The following EPHA6 variants were observed in gnomAD, a reference collection of about 807,000 sequenced individuals.
EPHA6 encodes the protein ephrin type-A receptor 6.
EPHA6 carries 50 observed loss-of-function variants against 112.0 expected under a neutral mutation model. That is an observed-to-expected ratio of 0.45 (90% CI 0.36 to 0.56). The LOEUF is 0.56. Among genes scored for constraint, EPHA6 ranks in the 20% least tolerant of loss-of-function variants. The probability of loss-of-function intolerance (pLI) is 0.00; values close to 1 mark genes in which losing one functional copy is unlikely to be tolerated. For synonymous variants in EPHA6, 529 were observed against 490.7 expected (o/e 1.08, Z -1.03); for missense variants, 1,280 against 1,417.4 (o/e 0.90, Z 1.56).
At chr3:97,164,660 A>C (rs549808492) in intron 3 of EPHA6, among the ~76,000 whole-genome samples, 1 of 152,194 alleles carries the variant, frequency 6.6e-6, no homozygotes, top group South Asian at 2.1e-4. Flanking sequence ...ATTTGAAGCT[A>C]TATTATATTC....
chr3:97,070,349 T>C (rs963692104), intron 3 of EPHA6, among the ~76,000 whole-genome samples: 1 of 152,130 alleles, frequency 6.6e-6, no homozygotes, highest in Non-Finnish European at 1.5e-5. Context: ...CTGTATTTTA[T>C]AGTTGGAAAT....
At chr3:97,508,432 C>G (rs1422855808) in intron 10 of EPHA6, among the ~76,000 whole-genome samples, 2 of 152,074 alleles carry the variant, frequency 1.3e-5, no homozygotes, top group African/African-American at 4.8e-5. Flanking sequence ...CAGTAGTCAT[C>G]CAGGAGCAGG....
chr3:97,189,861 T>C (rs915620887), intron 3 of EPHA6, among the ~76,000 whole-genome samples: 4 of 152,096 alleles, frequency 2.6e-5, no homozygotes, highest in Non-Finnish European at 5.9e-5. Context: ...TATAGATATA[T>C]TTAAATGCAT....
chr3:97,097,666 G>A (rs950762692), intron 3 of EPHA6, among the ~76,000 whole-genome samples: 2 of 151,772 alleles, frequency 1.3e-5, no homozygotes, highest in Admixed American at 1.3e-4. Context: ...GTATGGAAAT[G>A]CATGCCATAT....
At chr3:96,907,507 A>AT (rs11404136) in intron 2 of EPHA6, among the ~76,000 whole-genome samples, 151,277 of 151,718 alleles carry the variant, frequency 1, 75,419 homozygotes, top group Middle Eastern at 1. Context: ...TCCTGTTATT[A>AT]TTTATAATTG....
chr3:97,617,195 G>A (rs2093774080), intron 13 of EPHA6, among the ~76,000 whole-genome samples: 1 of 151,968 alleles, frequency 6.6e-6, no homozygotes, highest in Non-Finnish European at 1.5e-5. Context: ...ATAAGAAAAG[G>A]GAAATAAGGT....
At position 97,433,635 on chromosome 3, in the gene EPHA6, GA is replaced by G. The variant is rs564863772; in HGVS notation, c.1732-14929del. On this transcript the variant is annotated intron_variant, in intron 6 of 17. Transcript: ENST00000389672. ...ATGTACCTTGCAGGGAAAGAAGGAGGAAAACCCTTTTCCATGTTGTTAGAAA... is the reference window on the plus strand; with the variant it reads ...ATGTACCTTGCAGGGAAAGAAGGAGGAAACCCTTTTCCATGTTGTTAGAAA... 2.3e-4 allele frequency among the ~76,000 whole-genome samples: 35 copies of G among 152,238 alleles called. No individual in the cohort carries two copies. The East Asian group carries it at 6.6e-3, about 29-fold the overall frequency.
chr3:97,022,923 C>T lies in EPHA6; in HGVS notation c.1114+34930C>T, dbSNP rs2044512144. Among the ~76,000 whole-genome samples, 6 of 152,184 alleles carry T rather than the reference C, an allele frequency of 3.9e-5. No individual in the cohort carries two copies. In the South Asian group the frequency reaches 1.2e-3, roughly 32 times the overall value. The stretch of plus-strand genomic sequence containing the variant: ...AGCTTGAGCACAGCAGCATTATTTA[C>T]ATCCATCATGCCCAAGAGTAGTTCA... On this transcript the variant is annotated intron_variant, in intron 3 of 17. Transcript: ENST00000389672.
At chr3:97,558,887 AT>A (rs1456438198) in intron 11 of EPHA6, among the ~76,000 whole-genome samples, 1 of 152,044 alleles carries the variant, frequency 6.6e-6, no homozygotes, top group Admixed American at 6.6e-5. Flanking sequence ...GCCAAAATAT[AT>A]TATTTATACA....
At chr3:97,648,406 TAATG>T in intron 14 of EPHA6, 1 of 1,523,022 alleles carries the variant, frequency 6.6e-7, no homozygotes. Flanking sequence ...TTATAAAAAA[TAATG>T]AAGCAGCATG....
chr3:96,928,616 T>C (rs2040161552), intron 2 of EPHA6, among the ~76,000 whole-genome samples: 1 of 152,166 alleles, frequency 6.6e-6, no homozygotes, highest in African/African-American at 2.4e-5. Context: ...TGGAGAGTTC[T>C]GTAGGTATCT....
At chr3:97,204,669 T>G (rs905994513) in intron 3 of EPHA6, among the ~76,000 whole-genome samples, 1 of 152,112 alleles carries the variant, frequency 6.6e-6, no homozygotes, top group Non-Finnish European at 1.5e-5. Flanking sequence ...CTCCATCATT[T>G]TGGGAAAAAA....
intron 2 of EPHA6, among the ~76,000 whole-genome samples, chr3:96,949,470 C>T (rs9839085): frequency 0.12 from 18,207 of 151,892 alleles, 2,033 homozygotes; most frequent in African/African-American, 0.24. Flanking sequence ...TAATTAATGA[C>T]ATGATGGGAC....
At chr3:97,364,691 C>T (rs967404965) in intron 5 of EPHA6, among the ~76,000 whole-genome samples, 1 of 151,894 alleles carries the variant, frequency 6.6e-6, no homozygotes, top group East Asian at 1.9e-4. Flanking sequence ...TCAAAGGGAA[C>T]AATTTCTAAA....
At chr3:96,997,370 A>G (rs1297450813) in intron 3 of EPHA6, among the ~76,000 whole-genome samples, 3 of 152,020 alleles carry the variant, frequency 2.0e-5, no homozygotes, top group Admixed American at 1.3e-4. Context: ...GTTTTCACCT[A>G]TCTCAGCTTT....
chr3:97,530,453 C>T (rs2092682671), intron 10 of EPHA6, among the ~76,000 whole-genome samples: 1 of 151,934 alleles, frequency 6.6e-6, no homozygotes, highest in Non-Finnish European at 1.5e-5. Context: ...GTGACATTAT[C>T]AGTTTGCATT....
intron 2 of EPHA6, among the ~76,000 whole-genome samples, chr3:96,898,359 CAT>C (rs2038396627): frequency 2.0e-5 from 3 of 152,256 alleles, no homozygotes; most frequent in South Asian, 4.1e-4. Context: ...ATGGGGAAAA[CAT>C]AGCGAATAGA....
At chr3:97,211,085 C>G (rs933425695) in intron 3 of EPHA6, among the ~76,000 whole-genome samples, 2 of 152,180 alleles carry the variant, frequency 1.3e-5, no homozygotes, top group Non-Finnish European at 2.9e-5. Flanking sequence ...CCTAGGAAAT[C>G]ATATAAAGTC....
At chr3:97,303,935 CTCT>C (rs2081202685) in intron 5 of EPHA6, among the ~76,000 whole-genome samples, 1 of 151,950 alleles carries the variant, frequency 6.6e-6, no homozygotes, top group South Asian at 2.1e-4. Flanking sequence ...TGATTTATAG[CTCT>C]TCTTGAAGAG....
Sources: allele counts gnomAD v4.1 joint callset (sites outside exome capture counted in the v4.1 genomes callset), GRCh38; gene constraint gnomAD v4.1.1; transcripts MANE v1.5; gene names NCBI Gene and HGNC (gene_info 2026-07-23, HGNC 2026-07-21).